Variants in SPATS2 observed in about 807,000 individuals in gnomAD.
SPATS2 encodes spermatogenesis-associated serine-rich protein 2.
Under a neutral mutation model 63.7 loss-of-function variants are expected in SPATS2, and 38 were observed. The observed-to-expected ratio is 0.60, with a 90% CI of 0.46 to 0.78. SPATS2 has a LOEUF of 0.78. Among genes scored for constraint, SPATS2 ranks in the 30% least tolerant of loss-of-function variants. The pLI is 0.00. For synonymous variants in SPATS2, 207 were observed against 232.9 expected, an observed-to-expected ratio of 0.89 and a Z score of 1.01; for missense variants, 588 against 666.2, an observed-to-expected ratio of 0.88 and a Z score of 1.29.
At chr12:49,494,607 A>T in intron 6 of SPATS2, 134 bp from the exon 7 acceptor site, 16 of 890,704 alleles carry the variant, frequency 1.8e-5, no homozygotes, top group Non-Finnish European at 2.6e-5. Context: ...ATATGTGAAA[A>T]TATTAAATTT....
intron 2 of SPATS2, among the ~76,000 whole-genome samples, chr12:49,428,065 C>T (rs974210012): frequency 9.2e-5 from 14 of 152,028 alleles, no homozygotes; most frequent in African/African-American, 3.4e-4. Context: ...ACCATCCTGG[C>T]TAACACGGTG....
chr12:49,404,814 G>C (rs1024539577), intron 2 of SPATS2, among the ~76,000 whole-genome samples: 2 of 152,158 alleles, frequency 1.3e-5, no homozygotes, highest in Non-Finnish European at 1.5e-5. Context: ...GGACAGGTCA[G>C]ATCTGGCCTG....
intron 2 of SPATS2, among the ~76,000 whole-genome samples, chr12:49,444,016 CT>C (rs1945468758): frequency 6.6e-6 from 1 of 152,094 alleles, no homozygotes; most frequent in Non-Finnish European, 1.5e-5. Context: ...TACAAAAATG[CT>C]TGCTGAAATT....
At chr12:49,408,895 A>G (rs1944746113) in intron 2 of SPATS2, among the ~76,000 whole-genome samples, 1 of 152,162 alleles carries the variant, frequency 6.6e-6, no homozygotes, top group Non-Finnish European at 1.5e-5. Context: ...ATTCTTTTAC[A>G]TGTTATTTTC....
At chr12:49,485,562 C>T (rs1442082795) in intron 4 of SPATS2, among the ~76,000 whole-genome samples, 1 of 151,776 alleles carries the variant, frequency 6.6e-6, no homozygotes, top group Non-Finnish European at 1.5e-5. Context: ...GGGTTTCTCC[C>T]TGTTGGCCAG....
chr12:49,468,087 TCTC>T (rs944533580), intron 3 of SPATS2, among the ~76,000 whole-genome samples: 3 of 151,694 alleles, frequency 2.0e-5, no homozygotes, highest in Non-Finnish European at 4.4e-5. Flanking sequence ...TCTCTTCTCT[TCTC>T]CTTTTCCTTC....
chr12:49,391,972 T>G (rs1944425714), intron 2 of SPATS2, among the ~76,000 whole-genome samples: 1 of 152,224 alleles, frequency 6.6e-6, no homozygotes, highest in Non-Finnish European at 1.5e-5. Flanking sequence ...TTTTTATTTT[T>G]AAACTTTTTT....
chr12:49,421,299 T>A (rs981586117), intron 2 of SPATS2, among the ~76,000 whole-genome samples: 1 of 150,324 alleles, frequency 6.7e-6, no homozygotes, highest in African/African-American at 2.5e-5. Context: ...GCGCCTGTAA[T>A]CCCAGCTACA....
chr12:49,440,622 C>G (rs1243537078), intron 2 of SPATS2, among the ~76,000 whole-genome samples: 2 of 152,120 alleles, frequency 1.3e-5, no homozygotes, highest in African/African-American at 4.8e-5. Context: ...GCGCACACCA[C>G]CACGGCCAGC....
At chr12:49,436,617 C>T (rs1348178103) in intron 2 of SPATS2, among the ~76,000 whole-genome samples, 1 of 135,898 alleles carries the variant, frequency 7.4e-6, no homozygotes, top group Non-Finnish European at 1.6e-5. Flanking sequence ...CTGACCCCCC[C>T]ACCTCCCTCC....
At chr12:49,406,811 C>T (rs940566607) in intron 2 of SPATS2, among the ~76,000 whole-genome samples, 1 of 151,984 alleles carries the variant, frequency 6.6e-6, no homozygotes, top group Non-Finnish European at 1.5e-5. Context: ...ATACTATCAC[C>T]TGTGAATGAA....
At chr12:49,384,406 A>G (rs1592345743) in intron 2 of SPATS2, among the ~76,000 whole-genome samples, 1 of 152,138 alleles carries the variant, frequency 6.6e-6, no homozygotes, top group African/African-American at 2.4e-5. Flanking sequence ...AAGTCTCCCT[A>G]CTGTCTCTTT....
chr12:49,433,623 G>A (rs190296862), intron 2 of SPATS2, among the ~76,000 whole-genome samples: 1 of 151,438 alleles, frequency 6.6e-6, no homozygotes, highest in African/African-American at 2.4e-5. Flanking sequence ...TTTGCCTATT[G>A]TACAGTTGGG....
intron 2 of SPATS2, among the ~76,000 whole-genome samples, chr12:49,402,996 C>A (rs1944633063): frequency 6.6e-6 from 1 of 152,072 alleles, no homozygotes; most frequent in African/African-American, 2.4e-5. Flanking sequence ...CTGATGTGTT[C>A]CAGGGGATAT....
chr12:49,515,560 C>T (rs1946824244), intron 10 of SPATS2, among the ~76,000 whole-genome samples: 1 of 152,156 alleles, frequency 6.6e-6, no homozygotes, highest in African/African-American at 2.4e-5. Context: ...GCAGAGATGC[C>T]TTCCACTGTT....
At chr12:49,372,719 TA>T (rs1020764534) in intron 2 of SPATS2, among the ~76,000 whole-genome samples, 4 of 150,144 alleles carry the variant, frequency 2.7e-5, no homozygotes, top group Non-Finnish European at 4.5e-5. Flanking sequence ...CTGCATTCAT[TA>T]AAAAAAAAAT....
At chr12:49,441,170 CCTTT>C (rs1174817500) in intron 2 of SPATS2, among the ~76,000 whole-genome samples, 9 of 152,124 alleles carry the variant, frequency 5.9e-5, no homozygotes, top group Admixed American at 3.3e-4. Context: ...GTATCTTATA[CCTTT>C]CTATTTCCTT....
At position 49,494,836 on chromosome 12, in the gene SPATS2, T is replaced by C. The variant is rs777565967; in HGVS notation, c.360T>C (p.Ser120=). Residue 120 remains serine, a synonymous_variant, in exon 7 of 14, where the codon TCT becomes TCC. Coordinates refer to ENST00000552918, the MANE Select transcript of SPATS2 (RefSeq NM_023071.4). ...SKSVSIQEEQ[S]APSSEKGGMN... is the part of the protein sequence containing the mutation. Reference sequence around the variant, plus strand: ...CAGTTTCCATTCAAGAGGAACAGTCTGCGCCTTCCTCAGAGAAAGGTGGTA... The same window carrying C: ...CAGTTTCCATTCAAGAGGAACAGTCCGCGCCTTCCTCAGAGAAAGGTGGTA... 1.9e-6 allele frequency: 3 copies of C among 1,613,840 alleles called. No individual in the cohort carries two copies. Among genetic ancestry groups the C allele is most frequent in the Non-Finnish European group, 8.5e-7 (1 of 1,179,982 alleles).
chr12:49,407,603 A>G (rs897216658), intron 2 of SPATS2, among the ~76,000 whole-genome samples: 1 of 152,064 alleles, frequency 6.6e-6, no homozygotes, highest in Non-Finnish European at 1.5e-5. Flanking sequence ...TCCTTATTTC[A>G]GGGGTCAGGC....
Sources: gnomAD v4.1 joint callset for allele counts (sites outside exome capture counted in the v4.1 genomes callset) on GRCh38, gnomAD v4.1.1 for gene constraint, MANE v1.5 for transcripts, NCBI Gene and HGNC (gene_info 2026-07-23, HGNC 2026-07-21) for gene names.